The following ABCC3 variants were observed in gnomAD, a reference collection of about 807,000 sequenced individuals.
The protein encoded by ABCC3 is ATP-binding cassette sub-family C member 3.
ABCC3 carries 121 observed loss-of-function variants against 165.3 expected under a neutral mutation model. The ratio of observed to expected loss-of-function variants is 0.73; its 90% confidence interval spans 0.63 to 0.85. ABCC3 has a LOEUF of 0.85. ABCC3 is among the 40% of genes least tolerant of loss of function. The pLI, the probability that ABCC3 is intolerant of heterozygous loss-of-function variation, is 0.00. For missense variants in ABCC3, 1,869 were observed against 1,964.1 expected, an observed-to-expected ratio of 0.95 and a Z score of 0.92; for synonymous variants, 733 against 810.1, an observed-to-expected ratio of 0.90 and a Z score of 1.62.
chr17:50,684,631 C>G, intron 28 of ABCC3, 78 bp from the exon 29 acceptor site: 3 of 1,473,868 alleles, frequency 2.0e-6, no homozygotes, highest in Non-Finnish European at 2.8e-6. Flanking sequence ...TAATCCCTCT[C>G]TTCTTCCCTG....
At chr17:50,674,498 T>G (rs895223332) in intron 19 of ABCC3, 1 of 152,168 alleles carries the variant, frequency 6.6e-6, no homozygotes, top group Non-Finnish European at 1.5e-5. Context: ...CAACCAAAAT[T>G]TATTGGACAA....
At chr17:50,681,342 CCTT>C (rs1448240703) in intron 26 of ABCC3, among the ~76,000 whole-genome samples, 2 of 152,146 alleles carry the variant, frequency 1.3e-5, no homozygotes, top group Admixed American at 6.5e-5. Context: ...GCCTGTGTCT[CCTT>C]CACCGTTGTC....
chr17:50,635,644 A>G, intron 1 of ABCC3: 1 of 699,876 alleles, frequency 1.4e-6, no homozygotes, highest in Non-Finnish European at 2.6e-6. Flanking sequence ...CCCTTCTCAC[A>G]GATGGAGAAA....
chr17:50,656,430 C>T (rs1967248650), intron 2 of ABCC3, among the ~76,000 whole-genome samples: 1 of 152,228 alleles, frequency 6.6e-6, no homozygotes, highest in Non-Finnish European at 1.5e-5. Context: ...CTGGGTTCCC[C>T]AGTCTCACCT....
chr17:50,648,066 G>A (rs922578684), intron 1 of ABCC3, among the ~76,000 whole-genome samples: 1 of 152,008 alleles, frequency 6.6e-6, no homozygotes, highest in African/African-American at 2.4e-5. Context: ...GTAGTTGGAA[G>A]GACTTCTGGT....
Position 50,676,283 on chromosome 17 carries a change from T to C in ABCC3, c.3073T>C (p.Leu1025=). 6.2e-7 allele frequency: 1 copy of C among 1,611,968 alleles called. No homozygotes were observed. The highest frequency in any genetic ancestry group is 8.5e-7 in the Non-Finnish European group (1 of 1,178,794). The change falls in exon 23 of 31, where the codon TTG becomes CTG. Residue 1025 remains leucine, a synonymous_variant. Transcript: ENST00000285238. ...YAALGILQGF[L]VMLAAMAMAA... ...CCCTCTGCCTTCTCCAACAGGGTTC[T>C]TGGTGATGCTGGCAGCCATGGCCAT...
chr17:50,669,853 T>C (rs945969800), intron 17 of ABCC3, among the ~76,000 whole-genome samples: 7 of 152,028 alleles, frequency 4.6e-5, no homozygotes, highest in Non-Finnish European at 7.4e-5. Context: ...TGGAGTGCCA[T>C]GGTGACATCA....
chr17:50,635,220 G>A (rs561700503), intron 1 of ABCC3: 19 of 627,966 alleles, frequency 3.0e-5, no homozygotes. Context: ...TGCAGCACTG[G>A]GGAGCCCGGG....
intron 13 of ABCC3, 140 bp from the exon 14 acceptor site, chr17:50,668,290 C>T: frequency 1.4e-6 from 1 of 711,926 alleles, no homozygotes; most frequent in Admixed American, 2.7e-5. Flanking sequence ...ATGGAAGACT[C>T]AGTCGTGGGA....
chr17:50,659,699 C>CG (rs907561771), intron 7 of ABCC3, among the ~76,000 whole-genome samples: 9 of 137,636 alleles, frequency 6.5e-5, no homozygotes, highest in African/African-American at 2.6e-4. Context: ...GATGGGGACA[C>CG]TGGGGCCGGG....
intron 19 of ABCC3, among the ~76,000 whole-genome samples, chr17:50,675,044 T>C (rs11079922): frequency 0.19 from 29,087 of 152,052 alleles, 3,029 homozygotes; most frequent in African/African-American, 0.26. Context: ...GTGAGCTGCC[T>C]GCCTCAGCCT....
At chr17:50,636,589 C>T (rs2054182334) in intron 1 of ABCC3, among the ~76,000 whole-genome samples, 1 of 152,158 alleles carries the variant, frequency 6.6e-6, no homozygotes, top group Admixed American at 6.5e-5. Flanking sequence ...CCCTTTGGGC[C>T]AGGCTGGTAT....
At position 50,655,428 on chromosome 17, in the gene ABCC3, C is replaced by CA. The variant is rs1286019214; in HGVS notation, c.46-394dup. Among the ~76,000 whole-genome samples, 34 of 97,030 alleles carry CA rather than the reference C, an allele frequency of 3.5e-4. 1 individual carries two copies. Among genetic ancestry groups the CA allele is most frequent in the South Asian group, 1.9e-3 (5 of 2,636 alleles). The allele number at this position is 97,030 out of a possible 152,430, so 63.7% of individuals were successfully genotyped here. The stretch of plus-strand genomic sequence containing the variant: ...TCAAAAAAAAAAAAAAAAACAAAAA[C>CA]AAAAAAAAAAGAGTGGGAATCCAGA... On this transcript the variant is annotated intron_variant, in intron 1 of 30. Coordinates refer to ENST00000285238, the MANE Select transcript of ABCC3 (RefSeq NM_003786.4).
intron 1 of ABCC3, among the ~76,000 whole-genome samples, chr17:50,639,134 C>T (rs150368673): frequency 4.3e-4 from 66 of 152,340 alleles, no homozygotes; most frequent in African/African-American, 1.5e-3. Flanking sequence ...AGACACTCCT[C>T]CGCTTAGCAG....
chr17:50,648,852 C>T (rs1042638054), intron 1 of ABCC3, among the ~76,000 whole-genome samples: 1 of 152,194 alleles, frequency 6.6e-6, no homozygotes, highest in African/African-American at 2.4e-5. Flanking sequence ...CAGTGACTCA[C>T]GCCTGTAATC....
chr17:50,640,719 C>G (rs965216441), intron 1 of ABCC3, among the ~76,000 whole-genome samples: 1 of 152,170 alleles, frequency 6.6e-6, no homozygotes, highest in Non-Finnish European at 1.5e-5. Flanking sequence ...GACAGCGTTT[C>G]GTCATGTTGG....
At chr17:50,668,702 C>T (rs1967578708) in intron 14 of ABCC3, 151 bp from the exon 15 acceptor site, 1 of 788,656 alleles carries the variant, frequency 1.3e-6, no homozygotes, top group Non-Finnish European at 2.1e-6. Context: ...CAGGGCTCCC[C>T]ACATCCCTTT....
chr17:50,667,575 G>A lies in ABCC3; in HGVS notation c.1453G>A (p.Asp485Asn). ...ACAGGTAAAGCAAATGAAATTGAAG[G>A]ACTCGCGCATCAAGCTGATGAGTGA... ...AFQVKQMKLK[D>N]SRIKLMSEIL... Residue 485 changes from aspartate to asparagine, a missense_variant, in exon 12 of 31, where the codon GAC (aspartate) becomes AAC (asparagine). Asp to Asn is a conservative substitution (Grantham distance 23, BLOSUM62 1). Coordinates refer to ENST00000285238, the MANE Select transcript of ABCC3 (RefSeq NM_003786.4). The A allele has an allele frequency of 3.1e-6, 5 of 1,609,812 alleles. No homozygotes were observed. Among genetic ancestry groups the A allele is most frequent in the Non-Finnish European group, 4.3e-6 (5 of 1,176,298 alleles).
chr17:50,683,471 G>A lies in ABCC3; in HGVS notation c.3808-139G>A, dbSNP rs142895092. The A allele has an allele frequency of 9.7e-4, 892 of 922,028 alleles. 5 individuals carry two copies. In the African/African-American group the frequency reaches 0.014, roughly 14 times the overall value. The allele number at this position is 922,028 out of a possible 1,614,324, so 57.1% of individuals were successfully genotyped here. On this transcript the variant is annotated intron_variant, in intron 26 of 30. Transcript: ENST00000285238. ...GGGATAAAGGAGTCATTGAACACAA[G>A]GCTGAGCCACAGGGGTGCCAAGGAC... is the stretch of plus-strand genomic sequence containing the variant.
Sources: allele counts gnomAD v4.1 joint callset (sites outside exome capture counted in the v4.1 genomes callset), GRCh38; gene constraint gnomAD v4.1.1; transcripts MANE v1.5; gene names NCBI Gene and HGNC (gene_info 2026-07-23, HGNC 2026-07-21).